The following CACNA1C variants were observed in gnomAD, a reference collection of about 807,000 sequenced individuals.
CACNA1C encodes voltage-dependent L-type calcium channel subunit alpha-1C.
CACNA1C carries 30 observed loss-of-function variants against 229.0 expected under a neutral mutation model. That is an observed-to-expected ratio of 0.13 (90% CI 0.10 to 0.18). The LOEUF (loss-of-function observed/expected upper bound fraction) is 0.18. Among genes scored for constraint, CACNA1C ranks in the 10% least tolerant of loss-of-function variants. CACNA1C has a pLI of 1.00. For missense variants in CACNA1C, 1,658 were observed against 2,845.0 expected (o/e 0.58, Z 9.49); for synonymous variants, 1,114 against 1,132.5 (o/e 0.98, Z 0.33).
At chr12:2,485,043 T>G (rs374063337) in intron 5 of CACNA1C, among the ~76,000 whole-genome samples, 9 of 151,916 alleles carry the variant, frequency 5.9e-5, no homozygotes, top group South Asian at 2.1e-4. Flanking sequence ...GTGACCAGCC[T>G]TAGTTTACCC....
rs1424757578 is a variant in CACNA1C, at chr12:2,649,522, T to C, written c.3945+1015T>C. On this transcript the variant is annotated intron_variant, in intron 31 of 46. Coordinates refer to ENST00000399655, the MANE Select transcript of CACNA1C (RefSeq NM_000719.7). This position sits in a 1 kb window ranked among gnomAD's most constrained non-coding sequence, Gnocchi z 4.4. ...TCAGCCATCTGGATCTGCCTCCTTT[T>C]TGCATTGTTATTTGGTTTATTAGAG... 6.6e-6 allele frequency among the ~76,000 whole-genome samples: 1 copy of C among 152,198 alleles called. No individual in the cohort carries two copies. The highest frequency in any genetic ancestry group is 1.9e-4 in the East Asian group (1 of 5,190).
chr12:2,149,069 G>T (rs1294725687), intron 3 of CACNA1C, among the ~76,000 whole-genome samples: 1 of 152,170 alleles, frequency 6.6e-6, no homozygotes, highest in Non-Finnish European at 1.5e-5. Context: ...GGTCTTGGGG[G>T]TCACCTAAGC....
chr12:2,226,590 GT>G (rs2063084990), intron 3 of CACNA1C, among the ~76,000 whole-genome samples: 1 of 152,146 alleles, frequency 6.6e-6, no homozygotes, highest in Non-Finnish European at 1.5e-5. Context: ...ACTATTTTGT[GT>G]CACCATAGTG....
In CACNA1C at chr12:2,677,209, G is replaced by A. The variant is rs200330326; in HGVS notation, c.4944G>A (p.Ala1648=). The A allele has an allele frequency of 4.9e-5, 79 of 1,613,510 alleles. No homozygotes were observed. The African/African-American group carries it at 7.3e-4, about 15-fold the overall frequency. ...GLVGKPSQRN[A]LSLQAGLRTL... ...TGGGCAAGCCCTCCCAGAGGAACGC[G>A]CTGTCTCTGCAGGTGAGGGCCTGGG... is the stretch of plus-strand genomic sequence containing the variant. The change falls in exon 40 of 47, where the codon GCG becomes GCA. Residue 1648 remains alanine (A), a synonymous_variant. Transcript: ENST00000399655. This position sits in a 1 kb window ranked among gnomAD's most constrained non-coding sequence, Gnocchi z 7.4.
intron 1 of CACNA1C, among the ~76,000 whole-genome samples, chr12:2,019,650 C>T (rs916921486): frequency 1.3e-5 from 2 of 151,972 alleles, no homozygotes. Context: ...ATCTAGATGG[C>T]TTCTAATGTA....
intron 3 of CACNA1C, among the ~76,000 whole-genome samples, chr12:2,341,446 C>T (rs1014724146): frequency 6.6e-6 from 1 of 152,192 alleles, no homozygotes; most frequent in South Asian, 2.1e-4. Context: ...CCCTGCTCTT[C>T]TAAGTATGAA....
chr12:2,036,121 G>T (rs1320437489), intron 1 of CACNA1C, among the ~76,000 whole-genome samples: 1 of 152,222 alleles, frequency 6.6e-6, no homozygotes, highest in African/African-American at 2.4e-5. Context: ...GACAAGTGCT[G>T]CATTGGTATC....
intron 3 of CACNA1C, among the ~76,000 whole-genome samples, chr12:2,440,358 G>A (rs969175717): frequency 1.3e-5 from 2 of 152,162 alleles, no homozygotes; most frequent in Non-Finnish European, 2.9e-5. Flanking sequence ...GATCTTTCAT[G>A]TAAGTGGGAT....
At position 2,348,868 on chromosome 12, in the gene CACNA1C, A is replaced by T. The variant is rs1373995654; in HGVS notation, c.478-100108A>T. 6.6e-6 allele frequency among the ~76,000 whole-genome samples: 1 copy of T among 152,110 alleles called. No homozygotes were observed. Among genetic ancestry groups the T allele is most frequent in the Non-Finnish European group, 1.5e-5 (1 of 68,016 alleles). ...ATGTCAGCATTCAGAGCCCGGCAGG[A>T]AAAAGCCTCCTTCAAAGTGAACCCA... is the stretch of plus-strand genomic sequence containing the variant. On this transcript the variant is annotated intron_variant, in intron 3 of 46. Transcript: ENST00000399655. The surrounding 1 kb of genome is among the most constrained non-coding windows in gnomAD (Gnocchi z 4.7).
chr12:2,119,315 G>C (rs1004080737), intron 2 of CACNA1C, among the ~76,000 whole-genome samples: 1 of 152,190 alleles, frequency 6.6e-6, no homozygotes, highest in Non-Finnish European at 1.5e-5. Flanking sequence ...TCCTCCTCCT[G>C]TGAGACTCCA....
intron 5 of CACNA1C, among the ~76,000 whole-genome samples, chr12:2,481,777 A>G (rs2099676684): frequency 6.6e-6 from 1 of 152,192 alleles, no homozygotes; most frequent in South Asian, 2.1e-4. Flanking sequence ...GTCAGATCTT[A>G]CCCTGATGTA....
chr12:2,320,783 C>G (rs1283707435), intron 3 of CACNA1C, among the ~76,000 whole-genome samples: 1 of 152,200 alleles, frequency 6.6e-6, no homozygotes, highest in African/African-American at 2.4e-5. Context: ...TGGAGGTGTG[C>G]AGTCTCAGCC....
chr12:2,522,056 C>T (rs912393154), intron 9 of CACNA1C, among the ~76,000 whole-genome samples: 14 of 152,210 alleles, frequency 9.2e-5, no homozygotes, highest in Admixed American at 2.6e-4. Context: ...TGCACCTTTA[C>T]CCATCTCCCA....
intron 3 of CACNA1C, among the ~76,000 whole-genome samples, chr12:2,363,631 A>G (rs1860006): frequency 0.41 from 62,253 of 151,138 alleles, 12,924 homozygotes; most frequent in South Asian, 0.48. Flanking sequence ...CCTGTTTTCT[A>G]GAGCTTTTTT....
intron 3 of CACNA1C, among the ~76,000 whole-genome samples, chr12:2,251,661 T>C (rs2075656896): frequency 6.6e-6 from 1 of 152,178 alleles, no homozygotes. Context: ...GAGAAATAAA[T>C]TGCTTTATAA....
intron 1 of CACNA1C, among the ~76,000 whole-genome samples, chr12:2,089,860 C>CTGTCT (rs1555155467): frequency 3.5e-5 from 4 of 113,440 alleles, no homozygotes; most frequent in Admixed American, 8.5e-5. Flanking sequence ...TAGTGAAACC[C>CTGTCT]CTACTAAAAA....
chr12:2,158,907 A>T (rs970917213), intron 3 of CACNA1C, among the ~76,000 whole-genome samples: 1 of 152,176 alleles, frequency 6.6e-6, no homozygotes, highest in Non-Finnish European at 1.5e-5. Context: ...CATAGTCGTG[A>T]TAAAGTGGAT....
At chr12:2,293,093 C>T (rs1257994721) in intron 3 of CACNA1C, among the ~76,000 whole-genome samples, 1 of 152,104 alleles carries the variant, frequency 6.6e-6, no homozygotes, top group Non-Finnish European at 1.5e-5. Context: ...CTTGTAAAAT[C>T]TGAGGCCTTA....
At chr12:2,641,467 A>G in intron 30 of CACNA1C, 2 of 535,218 alleles carry the variant, frequency 3.7e-6, no homozygotes, top group South Asian at 4.3e-5. Context: ...TGGTCTCAGG[A>G]CAGCTGGGTG....
Sources: allele counts gnomAD v4.1 joint callset (sites outside exome capture counted in the v4.1 genomes callset), GRCh38; gene constraint gnomAD v4.1.1; non-coding constraint Gnocchi (gnomAD v3.1); transcripts MANE v1.5; gene names NCBI Gene and HGNC (gene_info 2026-07-23, HGNC 2026-07-21).